ATP6V0E1: variants seen among roughly 807,000 people sequenced by gnomAD.
The protein encoded by ATP6V0E1 is ATPase H+ transporting V0 subunit e1.
In ATP6V0E1, 4 loss-of-function variants were observed where a neutral mutation model predicts 11.6. The ratio of observed to expected loss-of-function variants is 0.35; its 90% CI spans 0.17 to 0.79. The LOEUF (loss-of-function observed/expected upper bound fraction) is 0.79. Ranked by LOEUF, ATP6V0E1 falls within the 30% of genes least tolerant of loss-of-function variation. ATP6V0E1 has a pLI of 0.54. For synonymous variants in ATP6V0E1, 36 were observed against 34.8 expected, an observed-to-expected ratio of 1.04 and a Z score of -0.13; for missense variants, 105 against 100.0, an observed-to-expected ratio of 1.05 and a Z score of -0.21.
chr5:173,026,002 A>ATT (rs1050899722), intron 3 of ATP6V0E1, among the ~76,000 whole-genome samples: 1 of 144,010 alleles, frequency 6.9e-6, no homozygotes, highest in Non-Finnish European at 1.5e-5. Flanking sequence ...AAATAATAAT[A>ATT]TTTTTTTTTT....
intron 3 of ATP6V0E1, among the ~76,000 whole-genome samples, chr5:173,022,973 G>A (rs767774975): frequency 6.6e-6 from 1 of 151,670 alleles, no homozygotes; most frequent in Non-Finnish European, 1.5e-5. Context: ...TCCCGAGATC[G>A]ACCTGTCTTA....
chr5:172,995,804 G>C (rs1756056696), intron 2 of ATP6V0E1, among the ~76,000 whole-genome samples: 1 of 151,922 alleles, frequency 6.6e-6, no homozygotes. Context: ...TGTAGAGATG[G>C]AGTCTTACTG....
chr5:173,008,231 T>C (rs959634536), intron 2 of ATP6V0E1, among the ~76,000 whole-genome samples: 2 of 152,062 alleles, frequency 1.3e-5, no homozygotes, highest in African/African-American at 4.8e-5. Flanking sequence ...GGCAATAAAT[T>C]CGTGACTGAA....
At chr5:172,993,684 C>CA (rs386405709) in intron 1 of ATP6V0E1, among the ~76,000 whole-genome samples, 6 of 119,008 alleles carry the variant, frequency 5.0e-5, no homozygotes, top group African/African-American at 1.6e-4. Context: ...TTGAGACCCC[C>CA]CCCCCCGACC....
intron 1 of ATP6V0E1, among the ~76,000 whole-genome samples, chr5:172,990,556 T>C (rs1188756398): frequency 6.6e-6 from 1 of 152,076 alleles, no homozygotes; most frequent in Non-Finnish European, 1.5e-5. Flanking sequence ...TAGCCGGGCA[T>C]GGTGGCTCAT....
chr5:173,024,260 C>T (rs909198467), intron 3 of ATP6V0E1, among the ~76,000 whole-genome samples: 1 of 148,216 alleles, frequency 6.7e-6, no homozygotes, highest in Non-Finnish European at 1.5e-5. Context: ...AAGCAGAATA[C>T]AGGTTTAATT....
intron 3 of ATP6V0E1, among the ~76,000 whole-genome samples, chr5:173,027,089 T>C (rs1461621713): frequency 7.4e-6 from 1 of 134,924 alleles, no homozygotes; most frequent in Non-Finnish European, 1.5e-5. Context: ...TGGGGCAGGA[T>C]AATGGCATGA....
chr5:173,026,815 T>G (rs530975939), intron 3 of ATP6V0E1, among the ~76,000 whole-genome samples: 1 of 152,198 alleles, frequency 6.6e-6, no homozygotes, highest in African/African-American at 2.4e-5. Context: ...TTTAAAGATA[T>G]ATATGATTTT....
intron 2 of ATP6V0E1, among the ~76,000 whole-genome samples, chr5:172,998,308 CT>C (rs1756099178): frequency 7.2e-6 from 1 of 139,646 alleles, no homozygotes; most frequent in East Asian, 2.3e-4. Context: ...CTGTGTTTGG[CT>C]GTAAAGAGTA....
intron 3 of ATP6V0E1, among the ~76,000 whole-genome samples, chr5:173,029,441 C>T (rs185063788): frequency 7.7e-4 from 117 of 152,170 alleles, no homozygotes; most frequent in African/African-American, 2.6e-3. Flanking sequence ...CTCTTGTGTC[C>T]GCCTTTCCTT....
At chr5:172,987,077 C>G in intron 1 of ATP6V0E1, 1 of 191,880 alleles carries the variant, frequency 5.2e-6, no homozygotes, top group Non-Finnish European at 1.1e-5. Context: ...TGAGCCACCA[C>G]GCCCGGCTGG....
At chr5:173,011,395 G>A (rs956039054) in intron 2 of ATP6V0E1, among the ~76,000 whole-genome samples, 3 of 151,918 alleles carry the variant, frequency 2.0e-5, no homozygotes, top group African/African-American at 7.3e-5. Context: ...TGTTGCTCAG[G>A]CTGGTCTTGA....
At chr5:172,988,971 G>A (rs951047297) in intron 1 of ATP6V0E1, among the ~76,000 whole-genome samples, 3 of 152,138 alleles carry the variant, frequency 2.0e-5, no homozygotes, top group African/African-American at 4.8e-5. Context: ...TAACAGGCTC[G>A]AGCAGTGCCC....
intron 2 of ATP6V0E1, among the ~76,000 whole-genome samples, chr5:173,017,736 G>T (rs1472855266): frequency 5.3e-5 from 8 of 151,118 alleles, no homozygotes; most frequent in African/African-American, 1.9e-4. Context: ...AGCTACTCAG[G>T]AGGCTGAAGC....
At chr5:173,015,809 C>T (rs1756390448) in intron 2 of ATP6V0E1, among the ~76,000 whole-genome samples, 1 of 152,190 alleles carries the variant, frequency 6.6e-6, no homozygotes, top group South Asian at 2.1e-4. Context: ...TCACTGCAAC[C>T]TCTGCCTCCC....
intron 2 of ATP6V0E1, among the ~76,000 whole-genome samples, chr5:173,017,728 C>G (rs1202999353): frequency 5.3e-5 from 8 of 151,004 alleles, no homozygotes; most frequent in African/African-American, 1.9e-4. Context: ...GTAATTCCAG[C>G]TACTCAGGAG....
intron 1 of ATP6V0E1, among the ~76,000 whole-genome samples, chr5:172,984,892 T>C (rs1309343571): frequency 1.3e-5 from 2 of 152,228 alleles, no homozygotes; most frequent in Non-Finnish European, 2.9e-5. Context: ...GTACCTTGTA[T>C]GCACAGGAGG....
chr5:172,987,531 G>A (rs1057474028), intron 1 of ATP6V0E1, among the ~76,000 whole-genome samples: 48 of 151,502 alleles, frequency 3.2e-4, no homozygotes, highest in African/African-American at 1.1e-3. Flanking sequence ...TGATCCGTCC[G>A]CCTCGGCCTC....
At chr5:173,014,160 TAAA>T (rs757466248) in intron 2 of ATP6V0E1, among the ~76,000 whole-genome samples, 6 of 67,798 alleles carry the variant, frequency 8.8e-5, no homozygotes, top group Admixed American at 1.7e-4. Context: ...GACTCCATCT[TAAA>T]AAAAAAAAAA....
Sources: allele counts gnomAD v4.1 joint callset (sites outside exome capture counted in the v4.1 genomes callset), GRCh38; gene constraint gnomAD v4.1.1; transcripts MANE v1.5; gene names NCBI Gene and HGNC (gene_info 2026-07-23, HGNC 2026-07-21).